CFAP299: variants seen among roughly 807,000 people sequenced by gnomAD.
CFAP299 encodes cilia and flagella associated protein 299.
A neutral mutation model predicts 27.0 loss-of-function variants in CFAP299; 21 were observed. The observed-to-expected ratio is 0.78, with a 90% CI of 0.55 to 1.12. The LOEUF is 1.12. CFAP299 is among the 50% of genes most tolerant of loss of function. The pLI is 0.00. For synonymous variants in CFAP299, 104 were observed against 98.1 expected (o/e 1.06, Z -0.36); for missense variants, 310 against 276.6 (o/e 1.12, Z -0.86).
At chr4:80,744,783 A>G (rs1488820780) in intron 3 of CFAP299, among the ~76,000 whole-genome samples, 1 of 152,092 alleles carries the variant, frequency 6.6e-6, no homozygotes, top group Non-Finnish European at 1.5e-5. Context: ...ACTTAAAAGA[A>G]CCCAAATTAC....
chr4:80,373,170 G>A (rs1037681595), intron 2 of CFAP299, among the ~76,000 whole-genome samples: 1 of 151,898 alleles, frequency 6.6e-6, no homozygotes, highest in Non-Finnish European at 1.5e-5. Context: ...TAACCCCAAG[G>A]GTTAGGATAA....
At chr4:80,583,960 A>C (rs887696366) in intron 3 of CFAP299, among the ~76,000 whole-genome samples, 1 of 151,986 alleles carries the variant, frequency 6.6e-6, no homozygotes, top group Non-Finnish European at 1.5e-5. Context: ...CTCAATAAAA[A>C]ATTTGGAGTT....
At chr4:80,854,473 G>A (rs886869992) in intron 3 of CFAP299, among the ~76,000 whole-genome samples, 3 of 151,790 alleles carry the variant, frequency 2.0e-5, no homozygotes, top group African/African-American at 7.3e-5. Context: ...TTATTTGAAA[G>A]TAACATGAGA....
chr4:80,955,381 CA>C (rs1456140229), intron 5 of CFAP299, among the ~76,000 whole-genome samples: 1 of 152,130 alleles, frequency 6.6e-6, no homozygotes, highest in Non-Finnish European at 1.5e-5. Context: ...TAGCCATTTA[CA>C]AAGAGTTGTT....
At chr4:80,399,018 A>G (rs965913351) in intron 2 of CFAP299, among the ~76,000 whole-genome samples, 3 of 141,452 alleles carry the variant, frequency 2.1e-5, no homozygotes, top group Non-Finnish European at 4.6e-5. Context: ...ACTCCATCAA[A>G]AAGTGGGTGA....
At chr4:80,518,212 A>G (rs1221440291) in intron 2 of CFAP299, among the ~76,000 whole-genome samples, 1 of 152,146 alleles carries the variant, frequency 6.6e-6, no homozygotes, top group Non-Finnish European at 1.5e-5. Flanking sequence ...TGTACAGGAA[A>G]TGATGCTGAG....
chr4:80,348,265 A>G (rs1331009160), intron 1 of CFAP299, among the ~76,000 whole-genome samples: 3 of 152,226 alleles, frequency 2.0e-5, no homozygotes, highest in African/African-American at 4.8e-5. Flanking sequence ...AAACACCAAA[A>G]GCAATTGCAG....
intron 3 of CFAP299, among the ~76,000 whole-genome samples, chr4:80,724,444 A>T (rs1392004023): frequency 2.0e-5 from 3 of 152,116 alleles, no homozygotes; most frequent in Admixed American, 1.3e-4. Context: ...TACTCATTTA[A>T]AAAATGAGTA....
At chr4:80,929,426 A>G (rs141697503) in intron 4 of CFAP299, among the ~76,000 whole-genome samples, 4,223 of 146,978 alleles carry the variant, frequency 0.029, 240 homozygotes, top group African/African-American at 0.098. Context: ...TCCAGTCTCT[A>G]TGGCACCACT....
At chr4:80,782,777 A>C (rs1727000769) in intron 3 of CFAP299, among the ~76,000 whole-genome samples, 1 of 147,926 alleles carries the variant, frequency 6.8e-6, no homozygotes, top group East Asian at 2.0e-4. Flanking sequence ...ATATTCATAT[A>C]TAATATACAT....
chr4:80,862,346 G>A (rs1732432541), intron 3 of CFAP299, among the ~76,000 whole-genome samples: 1 of 151,870 alleles, frequency 6.6e-6, no homozygotes, highest in South Asian at 2.1e-4. Context: ...CTCCAGTCTG[G>A]GCAGCAGAGC....
At chr4:80,930,705 G>T (rs933235504) in intron 4 of CFAP299, among the ~76,000 whole-genome samples, 1 of 152,088 alleles carries the variant, frequency 6.6e-6, no homozygotes, top group African/African-American at 2.4e-5. Context: ...AGACACACCT[G>T]CTTACACTTT....
chr4:80,948,603 A>G (rs1004041377), intron 5 of CFAP299, among the ~76,000 whole-genome samples: 2 of 152,082 alleles, frequency 1.3e-5, no homozygotes, highest in African/African-American at 2.4e-5. Context: ...TTACCATAGC[A>G]TAAGTGGTCT....
At chr4:80,777,365 A>G (rs548620087) in intron 3 of CFAP299, among the ~76,000 whole-genome samples, 1 of 152,176 alleles carries the variant, frequency 6.6e-6, no homozygotes, top group African/African-American at 2.4e-5. Flanking sequence ...TATGGCTGAG[A>G]CATTGGATTG....
chr4:80,516,017 C>CTTTTTTTT (rs34249511), intron 2 of CFAP299, among the ~76,000 whole-genome samples: 4 of 119,524 alleles, frequency 3.3e-5, no homozygotes, highest in Non-Finnish European at 5.2e-5. Context: ...TTCTGCATTT[C>CTTTTTTTT]TTTTTTTTTT....
At chr4:80,677,264 C>T (rs1719520890) in intron 3 of CFAP299, among the ~76,000 whole-genome samples, 1 of 151,816 alleles carries the variant, frequency 6.6e-6, no homozygotes, top group South Asian at 2.1e-4. Flanking sequence ...TTCCAAAGTT[C>T]CTCTTGATAT....
At chr4:80,666,533 G>A (rs950133172) in intron 3 of CFAP299, among the ~76,000 whole-genome samples, 1 of 152,068 alleles carries the variant, frequency 6.6e-6, no homozygotes, top group Non-Finnish European at 1.5e-5. Context: ...TCATCATTTG[G>A]ATGCCACCTT....
intron 3 of CFAP299, among the ~76,000 whole-genome samples, chr4:80,734,381 G>A (rs1479319682): frequency 6.6e-6 from 1 of 151,886 alleles, no homozygotes; most frequent in Non-Finnish European, 1.5e-5. Flanking sequence ...TTGTCAGATG[G>A]GTATTTTGCA....
chr4:80,619,341 G>A (rs371583097), intron 3 of CFAP299, among the ~76,000 whole-genome samples: 28 of 152,110 alleles, frequency 1.8e-4, no homozygotes, highest in East Asian at 5.8e-4. Flanking sequence ...TCTCTTCAGC[G>A]TTGACATTCT....
Sources: gnomAD v4.1 joint callset for allele counts (sites outside exome capture counted in the v4.1 genomes callset) on GRCh38, gnomAD v4.1.1 for gene constraint, MANE v1.5 for transcripts, NCBI Gene and HGNC (gene_info 2026-07-23, HGNC 2026-07-21) for gene names.